Variants in AOPEP observed in about 807,000 individuals in gnomAD.
AOPEP encodes the protein aminopeptidase O.
Under a neutral mutation model 98.1 loss-of-function variants are expected in AOPEP, and 77 were observed. That is an observed-to-expected ratio of 0.78 (90% confidence interval 0.65 to 0.95). AOPEP has a LOEUF of 0.95. AOPEP is among the 40% of genes least tolerant of loss of function. AOPEP has a pLI of 0.00. For missense variants in AOPEP, 1,024 were observed against 1,024.7 expected (o/e 1.00, Z 0.01); for synonymous variants, 346 against 365.3 (o/e 0.95, Z 0.60).
At chr9:94,767,039 T>C (rs2132662489) in intron 2 of AOPEP, among the ~76,000 whole-genome samples, 1 of 152,282 alleles carries the variant, frequency 6.6e-6, no homozygotes, top group East Asian at 1.9e-4. Flanking sequence ...TATATCTCAC[T>C]CTAAAGGAAA....
In AOPEP at chr9:94,955,265, G is replaced by A; in HGVS notation, c.1750G>A (p.Val584Met). ...GLNPEKIFMQ[V>M]HYLKGYFLLR... is the part of the protein sequence containing the mutation. ...TAATCCGGAGAAGATCTTCATGCAGGTGCATTATTTAAAGGTAAGCACATG... is the reference window on the plus strand; with the variant it reads ...TAATCCGGAGAAGATCTTCATGCAGATGCATTATTTAAAGGTAAGCACATG... The change falls in exon 8 of 17, where the codon GTG becomes ATG. Residue 584 changes from valine to methionine, a missense_variant. Physicochemically the swap from Val to Met is conservative, Grantham distance 21. Coordinates refer to ENST00000375315, the MANE Select transcript of AOPEP (RefSeq NM_001193329.3). The A allele has an allele frequency of 5.0e-6, 8 of 1,611,408 alleles. No homozygotes were observed. The highest frequency in any genetic ancestry group is 6.8e-6 in the Non-Finnish European group (8 of 1,178,230).
At chr9:95,123,795 A>G in the AOPEP span, 1 of 696,762 alleles carries the variant, frequency 1.4e-6, no homozygotes, top group Non-Finnish European at 2.7e-6. Context: ...TGTGAAGCCC[A>G]CAAGGACTGA....
intron 5 of AOPEP, among the ~76,000 whole-genome samples, chr9:94,848,830 C>G (rs929404632): frequency 2.6e-5 from 4 of 152,146 alleles, no homozygotes; most frequent in African/African-American, 9.7e-5. Flanking sequence ...GCCCTTGTCA[C>G]CCAGGCTGGA....
At chr9:95,082,518 C>A in intron 15 of AOPEP, 57 bp from the exon 16 acceptor site, 1 of 1,584,504 alleles carries the variant, frequency 6.3e-7, no homozygotes, top group South Asian at 1.1e-5. Context: ...CTCATGTGTG[C>A]GTGTGTGTGG....
intron 11 of AOPEP, chr9:95,003,957 T>G (rs1205478986): frequency 4.6e-6 from 1 of 215,836 alleles, no homozygotes; most frequent in Non-Finnish European, 9.5e-6. Context: ...AAGGGATAAA[T>G]TCCTGATGTC....
At chr9:95,036,476 C>T (rs2064830560) in intron 13 of AOPEP, among the ~76,000 whole-genome samples, 1 of 152,140 alleles carries the variant, frequency 6.6e-6, no homozygotes, top group Non-Finnish European at 1.5e-5. Context: ...AATCTTTCAT[C>T]TCTTTTAAAG....
At chr9:94,851,988 G>A (rs1225791389) in intron 5 of AOPEP, among the ~76,000 whole-genome samples, 5 of 151,924 alleles carry the variant, frequency 3.3e-5, no homozygotes, top group African/African-American at 4.8e-5. Context: ...AGCAAAGACC[G>A]TTTGACAACT....
At chr9:95,064,058 C>T (rs761589680) in intron 14 of AOPEP, among the ~76,000 whole-genome samples, 53 of 152,200 alleles carry the variant, frequency 3.5e-4, no homozygotes, top group Non-Finnish European at 4.1e-4. Context: ...TGGGAGGCTC[C>T]ACTCTTTCAT....
intron 16 of AOPEP, chr9:95,086,464 G>T: frequency 2.0e-6 from 2 of 985,428 alleles, no homozygotes; most frequent in Non-Finnish European, 2.4e-6. Flanking sequence ...CGCAAAGCCT[G>T]AGTACAGCCT....
chr9:95,133,711 C>T, the AOPEP span, among the ~76,000 whole-genome samples: 2 of 152,184 alleles, frequency 1.3e-5, no homozygotes, highest in African/African-American at 4.8e-5. Context: ...ATGTCATAAG[C>T]ACCCTGGAAG....
intron 5 of AOPEP, among the ~76,000 whole-genome samples, chr9:94,838,346 A>G (rs535660311): frequency 2.1e-3 from 321 of 152,338 alleles, no homozygotes; most frequent in African/African-American, 7.3e-3. Context: ...TTGTTGAAAC[A>G]CTACTCTTTC....
chr9:94,822,373 AAAG>A (rs143087248), intron 5 of AOPEP, among the ~76,000 whole-genome samples: 1,701 of 152,346 alleles, frequency 0.011, 29 homozygotes, highest in African/African-American at 0.038. Context: ...CTTTTCCTAA[AAAG>A]AAAAGTTTAA....
At chr9:95,106,309 T>G in the AOPEP span, among the ~76,000 whole-genome samples, 1 of 152,232 alleles carries the variant, frequency 6.6e-6, no homozygotes, top group Non-Finnish European at 1.5e-5. Flanking sequence ...TGAATTGGGT[T>G]GTTTATCTTT....
In AOPEP at chr9:94,950,127, T is replaced by C. The variant is rs1230676153; in HGVS notation, c.1662-5050T>C. 3.9e-5 allele frequency among the ~76,000 whole-genome samples: 6 copies of C among 152,252 alleles called. No individual in the cohort carries two copies. In the East Asian group the frequency reaches 1.2e-3, roughly 29 times the overall value. ...CCAAGAAATTACTGTAGTAGTAGAGTGAGTTCCTGTGTCCCCTCCCCCAGC... is the reference window on the plus strand; with the variant it reads ...CCAAGAAATTACTGTAGTAGTAGAGCGAGTTCCTGTGTCCCCTCCCCCAGC... On this transcript the variant is annotated intron_variant, in intron 7 of 16. Transcript: ENST00000375315.
intron 5 of AOPEP, chr9:94,904,104 A>G (rs1057050900): frequency 6.6e-6 from 1 of 152,116 alleles, no homozygotes; most frequent in African/African-American, 2.4e-5. Context: ...CCTTTGCTGC[A>G]TCTGCATTTG....
intron 11 of AOPEP, among the ~76,000 whole-genome samples, chr9:95,001,419 G>T (rs2061552611): frequency 6.6e-6 from 1 of 152,190 alleles, no homozygotes; most frequent in African/African-American, 2.4e-5. Flanking sequence ...GAAAACATCT[G>T]TTTTAAGAGA....
chr9:94,747,890 G>A (rs1032820060), intron 1 of AOPEP, among the ~76,000 whole-genome samples: 1 of 152,186 alleles, frequency 6.6e-6, no homozygotes, highest in Non-Finnish European at 1.5e-5. Context: ...GAGGAAGCCA[G>A]TAGATATTTT....
chr9:95,074,814 C>T (rs1195939355), intron 14 of AOPEP, among the ~76,000 whole-genome samples: 3 of 152,200 alleles, frequency 2.0e-5, no homozygotes, highest in Non-Finnish European at 4.4e-5. Context: ...AGGCCCAGGC[C>T]GCACCTGCTC....
At chr9:94,851,775 A>C (rs921233975) in intron 5 of AOPEP, among the ~76,000 whole-genome samples, 14 of 148,142 alleles carry the variant, frequency 9.5e-5, no homozygotes, top group Non-Finnish European at 1.6e-4. Context: ...TAGTCATACT[A>C]GATACTGCAA....
Sources: gnomAD v4.1 joint callset for allele counts (sites outside exome capture counted in the v4.1 genomes callset) on GRCh38, gnomAD v4.1.1 for gene constraint, MANE v1.5 for transcripts, NCBI Gene and HGNC (gene_info 2026-07-23, HGNC 2026-07-21) for gene names.